WASF2: variants seen among roughly 807,000 people sequenced by gnomAD.
WASF2 encodes actin-binding protein WASF2.
In WASF2, 14 loss-of-function variants were observed where a neutral mutation model predicts 45.0. That is an observed-to-expected ratio of 0.31 (90% CI 0.21 to 0.49). WASF2 has a LOEUF of 0.49. Ranked by LOEUF, WASF2 falls within the 20% of genes least tolerant of loss-of-function variation. The probability of loss-of-function intolerance (pLI) is 0.99; values close to 1 mark genes in which losing one functional copy is unlikely to be tolerated. For synonymous variants in WASF2, 200 were observed against 236.3 expected (o/e 0.85, Z 1.41); for missense variants, 439 against 636.1 (o/e 0.69, Z 3.33).
At chr1:27,448,296 C>A (rs899033999) in intron 1 of WASF2, among the ~76,000 whole-genome samples, 5 of 152,184 alleles carry the variant, frequency 3.3e-5, no homozygotes, top group Non-Finnish European at 5.9e-5. Flanking sequence ...TTAAATCATC[C>A]TCCTTCCAAA....
chr1:27,447,631 C>T (rs1019421778), intron 1 of WASF2, among the ~76,000 whole-genome samples: 3 of 152,160 alleles, frequency 2.0e-5, no homozygotes, highest in Admixed American at 6.6e-5. Context: ...TGGGTTCCCT[C>T]ATCTCAAACA....
At chr1:27,474,284 T>C in intron 1 of WASF2, among the ~76,000 whole-genome samples, 1 of 152,074 alleles carries the variant, frequency 6.6e-6, no homozygotes, top group African/African-American at 2.4e-5. Flanking sequence ...TTTTTTTAAA[T>C]CTTCAAGCAC....
chr1:27,418,094 G>A (rs1269763290), intron 4 of WASF2, among the ~76,000 whole-genome samples, 175 bp downstream of exon 4: 1 of 152,074 alleles, frequency 6.6e-6, no homozygotes, highest in African/African-American at 2.4e-5. Context: ...AATAATAAGT[G>A]ACAATTTTTA....
intron 2 of WASF2, among the ~76,000 whole-genome samples, chr1:27,421,125 G>A (rs1249140162): frequency 6.6e-6 from 1 of 152,188 alleles, no homozygotes; most frequent in East Asian, 1.9e-4. Flanking sequence ...GAAGAAGCAA[G>A]TCCTTGCATA....
At chr1:27,413,582 C>T (rs2016793011) in intron 6 of WASF2, among the ~76,000 whole-genome samples, 1 of 152,182 alleles carries the variant, frequency 6.6e-6, no homozygotes. Flanking sequence ...GCCCTGGAGC[C>T]TTGGCACGTC....
At chr1:27,441,707 T>C (rs1377793184) in intron 1 of WASF2, among the ~76,000 whole-genome samples, 11 of 141,644 alleles carry the variant, frequency 7.8e-5, no homozygotes, top group African/African-American at 3.0e-4. Context: ...TGAGCCGAGA[T>C]TGCGCCACTG....
At chr1:27,446,382 T>G (rs555055719) in intron 1 of WASF2, among the ~76,000 whole-genome samples, 1 of 152,214 alleles carries the variant, frequency 6.6e-6, no homozygotes, top group Non-Finnish European at 1.5e-5. Flanking sequence ...CTATAAATCA[T>G]GTTAAAGGGT....
intron 1 of WASF2, among the ~76,000 whole-genome samples, chr1:27,486,205 T>A (rs538905038): frequency 5.3e-5 from 8 of 152,288 alleles, no homozygotes; most frequent in African/African-American, 1.4e-4. Flanking sequence ...AATAATAAAA[T>A]ACATCTGATT....
chr1:27,473,856 A>G (rs9438574), intron 1 of WASF2, among the ~76,000 whole-genome samples: 27,316 of 152,212 alleles, frequency 0.18, 3,524 homozygotes, highest in East Asian at 0.38. Flanking sequence ...GCCTGTCCCA[A>G]CAGCCCAGGG....
At chr1:27,456,474 T>C (rs1408491563) in intron 1 of WASF2, among the ~76,000 whole-genome samples, 5 of 152,106 alleles carry the variant, frequency 3.3e-5, no homozygotes, top group Admixed American at 2.6e-4. Context: ...TAGAGGTCCA[T>C]ATCAGATAGG....
chr1:27,443,811 C>G (rs1282288305), intron 1 of WASF2, among the ~76,000 whole-genome samples: 1 of 151,774 alleles, frequency 6.6e-6, no homozygotes, highest in African/African-American at 2.4e-5. Flanking sequence ...CAGAGTTTTG[C>G]TCTTTTGCCC....
chr1:27,436,209 G>T (rs2017135775), intron 1 of WASF2, among the ~76,000 whole-genome samples: 1 of 152,184 alleles, frequency 6.6e-6, no homozygotes, highest in South Asian at 2.1e-4. Flanking sequence ...ACTTTGGGAG[G>T]CAGCAGCAGG....
chr1:27,420,727 T>C (rs998474575), intron 2 of WASF2, among the ~76,000 whole-genome samples: 1 of 151,948 alleles, frequency 6.6e-6, no homozygotes, highest in African/African-American at 2.4e-5. Flanking sequence ...TTCATCATGT[T>C]GGCCAGGCTG....
At chr1:27,438,854 A>T (rs759661406) in intron 1 of WASF2, among the ~76,000 whole-genome samples, 18 of 152,248 alleles carry the variant, frequency 1.2e-4, no homozygotes, top group Non-Finnish European at 2.5e-4. Flanking sequence ...AGTGTCACAC[A>T]CATATCTGTC....
At position 27,409,890 on chromosome 1, in the gene WASF2, G is replaced by C; in HGVS notation, c.1141C>G (p.Pro381Ala). 2 of 1,577,742 alleles carry C rather than the reference G, an allele frequency of 1.3e-6. No individual in the cohort carries two copies. Among genetic ancestry groups the C allele is most frequent in the South Asian group, 1.2e-5 (1 of 84,178 alleles). Residue 381 changes from proline to alanine, a missense_variant, in exon 8 of 9, where the codon CCT becomes GCT. This residue lies in a region of WASF2 where 286 missense variants were observed against 373.5 expected (regional missense o/e 0.77). Transcript: ENST00000618852. ...PAADYPTLPP[P>A]PLSQPTGGAP... ...CCTCCTGTTGGCTGGGACAAGGGAG[G>C]TGGTGGCAGAGTTGGGTAGTCAGCT...
intron 1 of WASF2, among the ~76,000 whole-genome samples, chr1:27,456,944 G>A (rs1357640680): frequency 6.6e-6 from 1 of 152,004 alleles, no homozygotes; most frequent in African/African-American, 2.4e-5. Flanking sequence ...GTTTTGTCAT[G>A]TTGGCCAGGC....
intron 1 of WASF2, among the ~76,000 whole-genome samples, chr1:27,452,724 A>G (rs1448521846): frequency 6.6e-6 from 1 of 151,754 alleles, no homozygotes; most frequent in East Asian, 1.9e-4. Flanking sequence ...AGGCTGAGGC[A>G]GGAGAATTGC....
chr1:27,422,509 CT>C (rs1478250369), intron 2 of WASF2, among the ~76,000 whole-genome samples: 2 of 151,758 alleles, frequency 1.3e-5, no homozygotes, highest in African/African-American at 4.8e-5. Flanking sequence ...GTCCCAGCTA[CT>C]CAGGAGGCTG....
intron 1 of WASF2, among the ~76,000 whole-genome samples, chr1:27,477,727 G>A (rs1257318134): frequency 1.7e-5 from 2 of 119,348 alleles, no homozygotes; most frequent in African/African-American, 8.1e-5. Flanking sequence ...GTGAAACCCC[G>A]TCTCTACTAA....
Sources: gnomAD v4.1 joint callset for allele counts (sites outside exome capture counted in the v4.1 genomes callset) on GRCh38, gnomAD v4.1.1 for gene constraint, gnomAD v4.1.1 regional missense constraint, MANE v1.5 for transcripts, NCBI Gene and HGNC (gene_info 2026-07-23, HGNC 2026-07-21) for gene names.